Variants in RBKS observed in about 807,000 individuals in gnomAD.
RBKS encodes the protein ribokinase.
Under a neutral mutation model 33.9 loss-of-function variants are expected in RBKS, and 33 were observed. That is an observed-to-expected ratio of 0.97 (90% CI 0.74 to 1.30). The LOEUF is 1.30. Among genes scored for constraint, RBKS ranks in the 50% most tolerant of loss-of-function variants. The pLI, the probability that RBKS is intolerant of heterozygous loss-of-function variation, is 0.00. For missense variants in RBKS, 361 were observed against 392.6 expected, an observed-to-expected ratio of 0.92 and a Z score of 0.68; for synonymous variants, 125 against 143.0, an observed-to-expected ratio of 0.87 and a Z score of 0.90.
At chr2:27,817,729 A>C (rs771653924) in intron 7 of RBKS, among the ~76,000 whole-genome samples, 1 of 152,104 alleles carries the variant, frequency 6.6e-6, no homozygotes, top group Non-Finnish European at 1.5e-5. Context: ...AGGTCTACAG[A>C]AAAGGAGTAA....
At chr2:27,794,359 A>T (rs531845428) in intron 7 of RBKS, among the ~76,000 whole-genome samples, 1 of 149,454 alleles carries the variant, frequency 6.7e-6, no homozygotes, top group South Asian at 2.1e-4. Context: ...AAGAAATTTT[A>T]AAAATCCCAA....
chr2:27,808,470 C>T (rs549111829), intron 7 of RBKS, among the ~76,000 whole-genome samples: 24 of 152,342 alleles, frequency 1.6e-4, no homozygotes, highest in African/African-American at 5.1e-4. Context: ...CAGTGTGTCT[C>T]AGCCATCTCA....
rs1664690908 is a variant in RBKS at position 27,890,080 on chromosome 2, A to C, written c.89+177T>G. Reference sequence around the variant, plus strand: ...CCTCCCCTGAGATTTACCTTTATATACTCAAGTTCTTTCATGCCAGGAAGG... The same window carrying C: ...CCTCCCCTGAGATTTACCTTTATATCCTCAAGTTCTTTCATGCCAGGAAGG... On this transcript the variant is annotated intron_variant, in intron 1 of 7. Transcript: ENST00000302188. The surrounding 1 kb of genome is among the most constrained non-coding windows in gnomAD (Gnocchi z 4.8). 2.0e-5 allele frequency: 12 copies of C among 587,984 alleles called. 1 individual carries two copies. In the South Asian group the frequency reaches 2.5e-4, roughly 12 times the overall value. The allele number at this position is 587,984 out of a possible 1,614,324, so 36.4% of individuals were successfully genotyped here. A position where few individuals can be genotyped will look rare whatever the true frequency, so the allele number is the denominator to read the frequency against.
rs113651030 is a variant in RBKS, at chr2:27,890,290, A to G, written c.56T>C (p.Val19Ala). Residue 19 changes from valine (V) to alanine (A), a missense_variant, in exon 1 of 8, where the codon GTA (valine) becomes GCA (alanine). Coordinates refer to ENST00000302188, the MANE Select transcript of RBKS (RefSeq NM_022128.3). The surrounding 1 kb of genome is among the most constrained non-coding windows in gnomAD (Gnocchi z 4.8). The stretch of plus-strand genomic sequence containing the variant: ...GTCGGTCATGCAGGAGCCCACCACT[A>G]CCACCGCCGCCACCTCCTCTTGCCA... ...RQWQEEVAAV[V>A]VVGSCMTDLV... 5,786 of 1,613,622 alleles carry G rather than the reference A, an allele frequency of 3.6e-3. 20 individuals are homozygous for G. Among genetic ancestry groups the G allele is most frequent in the Non-Finnish European group, 4.5e-3 (5,273 of 1,179,944 alleles).
chr2:27,804,307 C>T (rs1677856915), intron 7 of RBKS, among the ~76,000 whole-genome samples: 1 of 152,124 alleles, frequency 6.6e-6, no homozygotes, highest in African/African-American at 2.4e-5. Flanking sequence ...ACCATCACCA[C>T]AATCTAATTT....
At chr2:27,781,818 A>G in intron 7 of RBKS, 30 bp from the exon 8 acceptor site, 1 of 1,580,318 alleles carries the variant, frequency 6.3e-7, no homozygotes, top group South Asian at 1.2e-5. Flanking sequence ...TTTGAAGATA[A>G]GCATGTAGTC....
rs770413833 is a variant in RBKS, at chr2:27,782,559, G to A, written c.796-771C>T. ...CACATACCTTAATTGGGATATGTCCGTTTTTCTTACAGGCTGTGGTTATGG... is the reference window on the plus strand; with the variant it reads ...CACATACCTTAATTGGGATATGTCCATTTTTCTTACAGGCTGTGGTTATGG... On this transcript the variant is annotated intron_variant, in intron 7 of 7. Coordinates refer to ENST00000302188, the MANE Select transcript of RBKS (RefSeq NM_022128.3). The A allele has an allele frequency of 4.2e-5, 19 of 453,280 alleles. 1 individual carries two copies. The highest frequency in any genetic ancestry group is 9.5e-5 in the South Asian group (6 of 62,952). 28.1% of individuals were successfully genotyped at this position (453,280 alleles called of 1,614,324 possible). A position where few individuals can be genotyped will look rare whatever the true frequency, so the allele number is the denominator to read the frequency against.
rs184231180 is a variant in RBKS at position 27,803,451 on chromosome 2, G to A, written c.796-21663C>T. On this transcript the variant is annotated intron_variant, in intron 7 of 7. Transcript: ENST00000302188. Reference sequence around the variant, plus strand: ...GGTGGCTCATGCCTGTAATCCCAGCGCTTTGGGAGGCTGAGGCGGAAGGAT... The same window carrying A: ...GGTGGCTCATGCCTGTAATCCCAGCACTTTGGGAGGCTGAGGCGGAAGGAT... Among the ~76,000 whole-genome samples, 348 of 150,870 alleles carry A rather than the reference G, an allele frequency of 2.3e-3. 3 individuals are homozygous for A. Among genetic ancestry groups the A allele is most frequent in the African/African-American group, 8.0e-3 (329 of 41,064 alleles).
At position 27,837,867 on chromosome 2, in the gene RBKS, C is replaced by CGTGCTCCCTACCTGGGCGCA. The variant is rs1678556682; in HGVS notation, c.515-5110_515-5091dup. On this transcript the variant is annotated intron_variant, in intron 5 of 7. Coordinates refer to ENST00000302188, the MANE Select transcript of RBKS (RefSeq NM_022128.3). The surrounding 1 kb of genome is among the most constrained non-coding windows in gnomAD (Gnocchi z 4.0). ...GGTTGAAAAGCTACCTATTGAGTAC[C>CGTGCTCCCTACCTGGGCGCA]GTGCTCCCTACCTGGGCGCAATACT... Among the ~76,000 whole-genome samples, 1 of 152,050 alleles carries CGTGCTCCCTACCTGGGCGCA rather than the reference C, an allele frequency of 6.6e-6. No homozygotes were observed. The highest frequency in any genetic ancestry group is 1.5e-5 in the Non-Finnish European group (1 of 67,998).
chr2:27,796,611 G>C (rs752906139), intron 7 of RBKS, among the ~76,000 whole-genome samples: 1 of 152,184 alleles, frequency 6.6e-6, no homozygotes, highest in Non-Finnish European at 1.5e-5. Context: ...CGCAAGGACA[G>C]GAAAACTGGC....
At chr2:27,876,548 A>G (rs1361771312) in intron 1 of RBKS, among the ~76,000 whole-genome samples, 1 of 152,206 alleles carries the variant, frequency 6.6e-6, no homozygotes. Context: ...TGCTAAGTGA[A>G]ATAAGTAAGT....
intron 7 of RBKS, chr2:27,809,850 T>C (rs1677959657): frequency 4.8e-6 from 5 of 1,045,070 alleles, no homozygotes; most frequent in Admixed American, 5.3e-5. Flanking sequence ...AACCACAGGT[T>C]CCACTTCTGC....
intron 1 of RBKS, among the ~76,000 whole-genome samples, chr2:27,875,508 G>C (rs546298923): frequency 1.1e-4 from 16 of 152,300 alleles, no homozygotes; most frequent in African/African-American, 3.8e-4. Context: ...AGCTGCGATC[G>C]CAACACTGCA....
chr2:27,792,508 T>A (rs1426892025), intron 7 of RBKS, among the ~76,000 whole-genome samples: 1 of 152,240 alleles, frequency 6.6e-6, no homozygotes, highest in East Asian at 1.9e-4. Flanking sequence ...TTTCCCTAAT[T>A]AAAAGTTGAT....
intron 4 of RBKS, among the ~76,000 whole-genome samples, chr2:27,846,348 G>C (rs1044281487): frequency 1.3e-5 from 2 of 152,188 alleles, no homozygotes; most frequent in African/African-American, 4.8e-5. Flanking sequence ...CTGTCACGCA[G>C]GCTGAAGTGC....
chr2:27,835,889 G>C (rs2148207215), intron 5 of RBKS, among the ~76,000 whole-genome samples: 1 of 152,260 alleles, frequency 6.6e-6, no homozygotes, highest in South Asian at 2.1e-4. Flanking sequence ...TACAGGTTAA[G>C]TGCTGTATGA....
intron 7 of RBKS, among the ~76,000 whole-genome samples, chr2:27,798,322 A>T (rs544491363): frequency 6.6e-6 from 1 of 152,196 alleles, no homozygotes; most frequent in South Asian, 2.1e-4. Context: ...AACCTGGCTC[A>T]TGTCTCTTGC....
At chr2:27,860,866 C>T (rs1663960827) in intron 1 of RBKS, among the ~76,000 whole-genome samples, 1 of 152,164 alleles carries the variant, frequency 6.6e-6, no homozygotes, top group Non-Finnish European at 1.5e-5. Context: ...TCATGTTCTC[C>T]ATTTTATGCA....
chr2:27,808,212 T>A (rs531384080), intron 7 of RBKS, among the ~76,000 whole-genome samples: 2 of 152,332 alleles, frequency 1.3e-5, no homozygotes, highest in Admixed American at 6.5e-5. Flanking sequence ...CTGCCCAAAG[T>A]GACCATAAGT....
Sources: gnomAD v4.1 joint callset for allele counts (sites outside exome capture counted in the v4.1 genomes callset) on GRCh38, gnomAD v4.1.1 for gene constraint, Gnocchi (gnomAD v3.1) non-coding constraint, MANE v1.5 for transcripts, NCBI Gene and HGNC (gene_info 2026-07-23, HGNC 2026-07-21) for gene names.